The following CDC25C variants were observed in gnomAD, a reference collection of about 807,000 sequenced individuals.
CDC25C encodes M-phase inducer phosphatase 3.
CDC25C carries 48 observed loss-of-function variants against 52.5 expected under a neutral mutation model. The ratio of observed to expected loss-of-function variants is 0.91; its 90% CI spans 0.72 to 1.16. The LOEUF is 1.16. Among genes scored for constraint, CDC25C ranks in the 50% most tolerant of loss-of-function variants. CDC25C has a pLI of 0.00. For missense variants in CDC25C, 510 were observed against 566.1 expected (o/e 0.90, Z 1.01); for synonymous variants, 187 against 206.5 (o/e 0.91, Z 0.81).
chr5:138,321,777 A>C (rs1257912114), intron 6 of CDC25C, among the ~76,000 whole-genome samples: 2 of 149,828 alleles, frequency 1.3e-5, no homozygotes, highest in African/African-American at 2.4e-5. Context: ...AAAAAAAAAA[A>C]AAAAACCATG....
At chr5:138,338,253 G>A (rs765368489) in exon 1 of CDC25C, 95 of 1,110,774 alleles carry the variant, frequency 8.6e-5, no homozygotes, top group South Asian at 2.5e-4. Flanking sequence ...ACCGTGGGGC[G>A]AACCGAGCGC....
At chr5:138,286,388 C>T in intron 12 of CDC25C, 109 bp downstream of exon 12, 1 of 1,243,776 alleles carries the variant, frequency 8.0e-7, no homozygotes, top group Non-Finnish European at 1.1e-6. Context: ...TTCAACCTCC[C>T]TAACATTCTT....
intron 10 of CDC25C, among the ~76,000 whole-genome samples, chr5:138,289,019 C>G (rs1294591102): frequency 6.6e-6 from 1 of 152,038 alleles, no homozygotes; most frequent in Admixed American, 6.6e-5. Context: ...GGCTGGAGTA[C>G]AGTGGCACGA....
intron 7 of CDC25C, among the ~76,000 whole-genome samples, chr5:138,294,577 G>A (rs1393732712): frequency 7.1e-6 from 1 of 140,376 alleles, no homozygotes; most frequent in Non-Finnish European, 1.5e-5. Context: ...CGACCTCAGC[G>A]CACTGCAAGC....
rs2126633133 is a variant in CDC25C at position 138,285,802 on chromosome 5, G to A, written c.1312C>T (p.Gln438Ter). 1.2e-6 allele frequency: 2 copies of A among 1,614,068 alleles called. No individual in the cohort carries two copies. Among genetic ancestry groups the A allele is most frequent in the East Asian group, 4.5e-5 (2 of 44,902 alleles). Residue 438 changes from glutamine to a stop codon, truncating the protein, a stop_gained, in exon 14 of 14, where the codon CAG (glutamine) becomes TAG (stop). Coordinates refer to ENST00000323760, the MANE Select transcript of CDC25C (RefSeq NM_001790.5). LOFTEE classifies it low-confidence loss of function (END_TRUNC). ...EPQSYCPMHH[Q>*]DHKTELLRCR... ...CTCAGCAACTCAGTCTTGTGGTCCT[G>A]ATGATGCATAGGGCAGTAGCTCTGT...
In CDC25C at chr5:138,291,955, T is replaced by G; in HGVS notation, c.762+15A>C. ...ATAGAAGATGAACAAGATTTTCATC[T>G]TAAAAAGTTCTTACCTTCCTGAGCT... On this transcript the variant is annotated intron_variant, in intron 8 of 13. Coordinates refer to ENST00000323760, the MANE Select transcript of CDC25C (RefSeq NM_001790.5). The G allele has an allele frequency of 6.3e-7, 1 of 1,594,524 alleles. No homozygotes were observed. Among genetic ancestry groups the G allele is most frequent in the Non-Finnish European group, 8.5e-7 (1 of 1,169,770 alleles).
At chr5:138,320,361 C>T (rs1445796985) in intron 6 of CDC25C, among the ~76,000 whole-genome samples, 1 of 151,832 alleles carries the variant, frequency 6.6e-6, no homozygotes, top group African/African-American at 2.4e-5. Context: ...AGATTTTGTA[C>T]ACCTATGTTC....
chr5:138,306,564 C>T (rs1012177954), intron 7 of CDC25C, among the ~76,000 whole-genome samples: 2 of 152,070 alleles, frequency 1.3e-5, no homozygotes, highest in Admixed American at 6.5e-5. Flanking sequence ...CAACCTCCAC[C>T]TCCCGGGTTC....
In CDC25C at chr5:138,312,755, G is replaced by A. The variant is rs191457449; in HGVS notation, c.615+6464C>T. On this transcript the variant is annotated intron_variant, in intron 7 of 13. Transcript: ENST00000323760. Reference sequence around the variant, plus strand: ...AGTTTTCCAAGATTAAAAGAGTTCTGGAGATTGGTTACACAACAATGGGAA... The same window carrying A: ...AGTTTTCCAAGATTAAAAGAGTTCTAGAGATTGGTTACACAACAATGGGAA... Among the ~76,000 whole-genome samples the A allele has an allele frequency of 5.3e-4, 80 of 152,240 alleles. 1 individual carries two copies. The highest frequency in any genetic ancestry group is 4.8e-3 in the Admixed American group (73 of 15,278).
intron 6 of CDC25C, among the ~76,000 whole-genome samples, chr5:138,323,396 G>A (rs761720854): frequency 2.0e-5 from 3 of 152,050 alleles, no homozygotes; most frequent in African/African-American, 4.8e-5. Flanking sequence ...CTCTTGGGCC[G>A]AGGCGATCCT....
chr5:138,307,413 G>GC (rs141494813), intron 7 of CDC25C, among the ~76,000 whole-genome samples: 1,763 of 140,388 alleles, frequency 0.013, 37 homozygotes, highest in African/African-American at 0.043. Flanking sequence ...AATCGCCTGA[G>GC]CCCAGGAGGT....
At chr5:138,317,705 A>AAT (rs1396407111) in intron 7 of CDC25C, among the ~76,000 whole-genome samples, 2 of 150,514 alleles carry the variant, frequency 1.3e-5, no homozygotes, top group Non-Finnish European at 3.0e-5. Flanking sequence ...AAAAAAAAAA[A>AAT]AACCAAAAAC....
intron 9 of CDC25C, among the ~76,000 whole-genome samples, chr5:138,290,228 GA>G (rs1307036369): frequency 6.6e-6 from 1 of 152,042 alleles, no homozygotes; most frequent in African/African-American, 2.4e-5. Flanking sequence ...TGAAAACACA[GA>G]AAAAAATCTG....
chr5:138,335,422 T>C (rs1760633123), upstream of CDC25C: 1 of 152,158 alleles, frequency 6.6e-6, no homozygotes, highest in African/African-American at 2.4e-5. Context: ...TGGATTCCAC[T>C]CCTTTGGATG....
intron 7 of CDC25C, among the ~76,000 whole-genome samples, chr5:138,312,061 A>G (rs1415946487): frequency 1.3e-5 from 2 of 152,214 alleles, no homozygotes; most frequent in Non-Finnish European, 2.9e-5. Flanking sequence ...AGTGTTGGCT[A>G]TGATATGGAG....
intron 7 of CDC25C, among the ~76,000 whole-genome samples, chr5:138,308,148 G>A (rs942723983): frequency 6.6e-6 from 1 of 152,080 alleles, no homozygotes; most frequent in African/African-American, 2.4e-5. Flanking sequence ...ATGGACCTGT[G>A]TTGATCCATG....
Position 138,331,069 on chromosome 5 carries a change from A to G in CDC25C, c.112T>C (p.Ser38Pro), listed in dbSNP as rs760317032. ...GGGACATCTGGACAGACGGTAAAGG[A>G]AGTGTCTCTCTCCAGGAGCAGGTTT... ...MLNLLLERDTSFTVCPDVPRT... is the reference protein window; with the variant it reads ...MLNLLLERDTPFTVCPDVPRT... The change falls in exon 2 of 14, where the codon TCC becomes CCC. Residue 38 changes from serine (S) to proline (P), a missense_variant. Physicochemically the swap from Ser to Pro is moderately conservative, Grantham distance 74. Coordinates refer to ENST00000323760, the MANE Select transcript of CDC25C (RefSeq NM_001790.5). 24 of 1,614,148 alleles carry G rather than the reference A, an allele frequency of 1.5e-5. No individual in the cohort carries two copies. In the South Asian group the frequency reaches 2.6e-4, roughly 18 times the overall value.
At chr5:138,294,359 CTT>C (rs1757008279) in intron 7 of CDC25C, among the ~76,000 whole-genome samples, 1 of 142,986 alleles carries the variant, frequency 7.0e-6, no homozygotes, top group African/African-American at 2.6e-5. Context: ...GCCCAGCTAA[CTT>C]TTGTATTTTT....
intron 6 of CDC25C, among the ~76,000 whole-genome samples, chr5:138,320,269 C>A (rs1169086812): frequency 6.6e-6 from 1 of 151,940 alleles, no homozygotes; most frequent in Non-Finnish European, 1.5e-5. Flanking sequence ...CGTTCCACTG[C>A]ACTCCAGCCT....
Sources: gnomAD v4.1 joint callset for allele counts (sites outside exome capture counted in the v4.1 genomes callset) on GRCh38, gnomAD v4.1.1 for gene constraint, MANE v1.5 for transcripts, NCBI Gene and HGNC (gene_info 2026-07-23, HGNC 2026-07-21) for gene names.